The following CAMTA1 variants were observed in gnomAD, a reference collection of about 807,000 sequenced individuals.
CAMTA1 encodes the protein calmodulin binding transcription activator 1.
A neutral mutation model predicts 170.9 loss-of-function variants in CAMTA1; 27 were observed. The observed-to-expected ratio is 0.16, with a 90% CI of 0.12 to 0.22. The LOEUF is 0.22. Among genes scored for constraint, CAMTA1 ranks in the 10% least tolerant of loss-of-function variants. The pLI is 1.00. For synonymous variants in CAMTA1, 833 were observed against 891.5 expected, an observed-to-expected ratio of 0.93 and a Z score of 1.17; for missense variants, 1,619 against 2,217.2, an observed-to-expected ratio of 0.73 and a Z score of 5.42.
At chr1:7,502,663 G>A (rs1024974250) in intron 6 of CAMTA1, among the ~76,000 whole-genome samples, 3 of 152,158 alleles carry the variant, frequency 2.0e-5, no homozygotes, top group Admixed American at 6.5e-5. Flanking sequence ...AAGGAGAAGC[G>A]AAGCCCCAGG....
intron 4 of CAMTA1, among the ~76,000 whole-genome samples, chr1:7,228,636 G>C (rs1662135555): frequency 6.6e-6 from 1 of 152,230 alleles, no homozygotes; most frequent in South Asian, 2.1e-4. Flanking sequence ...GGAGCAAACT[G>C]TAATGAAGCA....
chr1:7,383,766 AATG>A (rs1388080202), intron 5 of CAMTA1, among the ~76,000 whole-genome samples: 1 of 151,290 alleles, frequency 6.6e-6, no homozygotes, highest in African/African-American at 2.5e-5. Flanking sequence ...AGATGATAAG[AATG>A]ATGATGAGGA....
At chr1:6,944,263 G>A (rs1175182827) in intron 3 of CAMTA1, among the ~76,000 whole-genome samples, 1 of 152,150 alleles carries the variant, frequency 6.6e-6, no homozygotes, top group Non-Finnish European at 1.5e-5. Flanking sequence ...TTGCCTATCC[G>A]CTCGTCTGCC....
At chr1:7,378,379 A>C (rs1481581183) in intron 5 of CAMTA1, among the ~76,000 whole-genome samples, 1 of 152,266 alleles carries the variant, frequency 6.6e-6, no homozygotes. Context: ...CCACAGAGGA[A>C]TAAACAAAAT....
At chr1:7,365,121 C>G (rs2085863396) in intron 5 of CAMTA1, among the ~76,000 whole-genome samples, 1 of 152,228 alleles carries the variant, frequency 6.6e-6, no homozygotes, top group Non-Finnish European at 1.5e-5. Context: ...AGGCCGGACC[C>G]CATGAGGACC....
chr1:7,731,428 G>A (rs1284592019), intron 11 of CAMTA1, among the ~76,000 whole-genome samples: 1 of 151,910 alleles, frequency 6.6e-6, no homozygotes. Context: ...AAAAATTAGT[G>A]AGGTGTGGTT....
At chr1:7,407,032 C>T (rs1453659407) in intron 5 of CAMTA1, among the ~76,000 whole-genome samples, 21 of 152,208 alleles carry the variant, frequency 1.4e-4, no homozygotes, top group Admixed American at 1.3e-3. Flanking sequence ...CGCAGCCCGG[C>T]GGCACATGCA....
At position 7,579,552 on chromosome 1, in the gene CAMTA1, C is replaced by CTTTTTTTTT. The variant is rs3034816; in HGVS notation, c.511-60831_511-60823dup. On this transcript the variant is annotated intron_variant, in intron 6 of 22. Coordinates refer to ENST00000303635, the MANE Select transcript of CAMTA1 (RefSeq NM_015215.4). ...GGTCCACTTTCTTTTCTTTTCTTTT[C>CTTTTTTTTT]TTTTTTTTTTTTTTTTTTTTTTTTT... 2.4e-3 allele frequency among the ~76,000 whole-genome samples: 193 copies of CTTTTTTTTT among 79,190 alleles called. 13 individuals are homozygous for CTTTTTTTTT. Among genetic ancestry groups the CTTTTTTTTT allele is most frequent in the Admixed American group, 5.4e-3 (34 of 6,318 alleles). 52.0% of individuals were successfully genotyped at this position (79,190 alleles called of 152,430 possible). A position where few individuals can be genotyped will look rare whatever the true frequency, so the allele number is the denominator to read the frequency against.
chr1:6,841,149 T>C (rs79592510), intron 3 of CAMTA1, among the ~76,000 whole-genome samples: 1 of 152,140 alleles, frequency 6.6e-6, no homozygotes, highest in African/African-American at 2.4e-5. Flanking sequence ...CCTGCTCTCT[T>C]CTCATTCACT....
At chr1:7,527,918 T>A (rs2150022740) in intron 6 of CAMTA1, among the ~76,000 whole-genome samples, 1 of 152,260 alleles carries the variant, frequency 6.6e-6, no homozygotes, top group African/African-American at 2.4e-5. Flanking sequence ...GCAGCACCAA[T>A]GCTCTAGAGA....
chr1:7,725,397 C>T (rs2096677924), intron 11 of CAMTA1, among the ~76,000 whole-genome samples: 1 of 152,230 alleles, frequency 6.6e-6, no homozygotes, highest in African/African-American at 2.4e-5. Context: ...GACAGCAGTG[C>T]AGGTGGCTGG....
chr1:7,249,510 A>G lies in CAMTA1; in HGVS notation c.322A>G (p.Ile108Val), dbSNP rs2149302838. 12 of 1,614,100 alleles carry G rather than the reference A, an allele frequency of 7.4e-6. No homozygotes were observed. Among genetic ancestry groups the G allele is most frequent in the Non-Finnish European group, 1.0e-5 (12 of 1,179,990 alleles). Reference sequence around the variant, plus strand: ...TTCCAGACCACAGAATGGCTCAATGATACTCTACAACAGGAAGAAAGTGAA... The same window carrying G: ...TTCCAGACCACAGAATGGCTCAATGGTACTCTACAACAGGAAGAAAGTGAA... ...PKTRPQNGSM[I>V]LYNRKKVKYR... The change falls in exon 5 of 23, where the codon ATA becomes GTA. Residue 108 changes from isoleucine to valine, a missense_variant. Coordinates refer to ENST00000303635, the MANE Select transcript of CAMTA1 (RefSeq NM_015215.4). The surrounding 1 kb of genome is among the most constrained non-coding windows in gnomAD (Gnocchi z 4.4).
At chr1:6,909,906 A>T (rs1307923169) in intron 3 of CAMTA1, among the ~76,000 whole-genome samples, 1 of 152,178 alleles carries the variant, frequency 6.6e-6, no homozygotes, top group African/African-American at 2.4e-5. Flanking sequence ...AAGCCAAGGA[A>T]GTTTTCCTGC....
chr1:7,011,214 G>GT (rs1042283115), intron 3 of CAMTA1, among the ~76,000 whole-genome samples: 4 of 152,222 alleles, frequency 2.6e-5, no homozygotes, highest in East Asian at 3.9e-4. Context: ...TTTTTTAATT[G>GT]TTTTTTTGAG....
intron 4 of CAMTA1, among the ~76,000 whole-genome samples, chr1:7,191,229 T>C (rs950976749): frequency 6.6e-6 from 1 of 152,222 alleles, no homozygotes; most frequent in Admixed American, 6.5e-5. Context: ...AATTACTGGG[T>C]AGGACACCCC....
chr1:7,720,037 T>C (rs1268546407), intron 11 of CAMTA1, among the ~76,000 whole-genome samples: 5 of 152,220 alleles, frequency 3.3e-5, no homozygotes, highest in Admixed American at 3.3e-4. Flanking sequence ...AAGGCAAAAC[T>C]TTTTCTTCTC....
rs1302139225 is a variant in CAMTA1 at position 7,534,891 on chromosome 1, ACT to A, written c.510+66993_510+66994del. Among the ~76,000 whole-genome samples, 1 of 151,716 alleles carries A rather than the reference ACT, an allele frequency of 6.6e-6. No individual in the cohort carries two copies. Among genetic ancestry groups the A allele is most frequent in the Admixed American group, 6.6e-5 (1 of 15,176 alleles). ...GTTTGCCTTTTGCCTGGTACAGATGACTCTGTCTCGATTTTGAAAAAGATGCA... is the reference window on the plus strand; with the variant it reads ...GTTTGCCTTTTGCCTGGTACAGATGACTGTCTCGATTTTGAAAAAGATGCA... On this transcript the variant is annotated intron_variant, in intron 6 of 22. Coordinates refer to ENST00000303635, the MANE Select transcript of CAMTA1 (RefSeq NM_015215.4). The surrounding 1 kb of genome is among the most constrained non-coding windows in gnomAD (Gnocchi z 5.6).
rs2096194221 is a variant in CAMTA1 at position 7,680,872 on chromosome 1, A to AGCAGCAGCT, written c.2914+3147_2914+3148insTGCAGCAGC. The stretch of plus-strand genomic sequence containing the variant: ...CGCGCGCGCGCGCGCCAGCAGCAGC[A>AGCAGCAGCT]GCAGCAGCAGCTGCTGCGGCGAAGT... On this transcript the variant is annotated intron_variant, in intron 11 of 22. Coordinates refer to ENST00000303635, the MANE Select transcript of CAMTA1 (RefSeq NM_015215.4). This position sits in a 1 kb window ranked among gnomAD's most constrained non-coding sequence, Gnocchi z 4.4. 6.8e-6 allele frequency among the ~76,000 whole-genome samples: 1 copy of AGCAGCAGCT among 146,262 alleles called. No homozygotes were observed. The highest frequency in any genetic ancestry group is 2.5e-5 in the African/African-American group (1 of 39,694).
Position 7,287,469 on chromosome 1 carries a change from T to G in CAMTA1, c.438+37843T>G, listed in dbSNP as rs376457469. On this transcript the variant is annotated intron_variant, in intron 5 of 22. Transcript: ENST00000303635. ...CTATTCTAACCAAGTTCCTCTACCT[T>G]TCTCCCTTTCCTTCTTCTCCTTCAT... 4.6e-3 allele frequency among the ~76,000 whole-genome samples: 695 copies of G among 152,300 alleles called. 3 individuals are homozygous for G. The highest frequency in any genetic ancestry group is 0.016 in the African/African-American group (648 of 41,556).
Sources: gnomAD v4.1 joint callset for allele counts (sites outside exome capture counted in the v4.1 genomes callset) on GRCh38, gnomAD v4.1.1 for gene constraint, Gnocchi (gnomAD v3.1) non-coding constraint, MANE v1.5 for transcripts, NCBI Gene and HGNC (gene_info 2026-07-23, HGNC 2026-07-21) for gene names.